Variants in SLC20A2 observed in about 807,000 individuals in gnomAD.
SLC20A2 encodes solute carrier family 20 member 2.
Under a neutral mutation model 61.0 loss-of-function variants are expected in SLC20A2, and 30 were observed. The ratio of observed to expected loss-of-function variants is 0.49; its 90% confidence interval spans 0.37 to 0.67. The LOEUF is 0.67. Ranked by LOEUF, SLC20A2 falls within the 30% of genes least tolerant of loss-of-function variation. The pLI, the probability that SLC20A2 is intolerant of heterozygous loss-of-function variation, is 0.00. For missense variants in SLC20A2, 626 were observed against 866.4 expected, an observed-to-expected ratio of 0.72 and a Z score of 3.48; for synonymous variants, 351 against 353.3, an observed-to-expected ratio of 0.99 and a Z score of 0.07.
chr8:42,533,088 A>G (rs1439081288), intron 1 of SLC20A2, among the ~76,000 whole-genome samples: 2 of 152,222 alleles, frequency 1.3e-5, no homozygotes, highest in African/African-American at 2.4e-5. Flanking sequence ...GGAAAGAAAC[A>G]CTATTTTCAA....
chr8:42,419,556 AAT>A (rs1348453852), intron 10 of SLC20A2: 8 of 227,162 alleles, frequency 3.5e-5, no homozygotes, highest in Admixed American at 6.5e-5. Context: ...CTCAAAAAAA[AAT>A]AAAATAAAAA....
upstream of SLC20A2, among the ~76,000 whole-genome samples, chr8:42,504,056 C>A (rs912816426): frequency 1.3e-5 from 2 of 152,188 alleles, no homozygotes; most frequent in Non-Finnish European, 2.9e-5. Flanking sequence ...CCACCCACCT[C>A]AGCCTCCTGA....
rs1240570872 is a variant in SLC20A2 at position 42,501,228 on chromosome 8, C to T, written c.-462G>A. On this transcript the variant is annotated 5_prime_UTR_variant, in exon 1 of 11. It adds an upstream start codon to the 5' untranslated region. Coordinates refer to ENST00000520262, the MANE Select transcript of SLC20A2 (RefSeq NM_001257180.2). Reference sequence around the variant, plus strand: ...TGCAGCCAAGCAGCAGGCAGGAACACGCTGATTTGCATCATGTGTGCCGGG... The same window carrying T: ...TGCAGCCAAGCAGCAGGCAGGAACATGCTGATTTGCATCATGTGTGCCGGG... 5 of 152,184 alleles carry T rather than the reference C, an allele frequency of 3.3e-5. No homozygotes were observed. Among genetic ancestry groups the T allele is most frequent in the African/African-American group, 9.6e-5 (4 of 41,454 alleles). The allele number at this position is 152,184 out of a possible 1,614,324, so 9.4% of individuals were successfully genotyped here. A position where few individuals can be genotyped will look rare whatever the true frequency, so the allele number is the denominator to read the frequency against.
At chr8:42,456,302 G>T (rs893418317) in intron 5 of SLC20A2, among the ~76,000 whole-genome samples, 1 of 152,194 alleles carries the variant, frequency 6.6e-6, no homozygotes, top group African/African-American at 2.4e-5. Flanking sequence ...CAATTCCCAT[G>T]TTCAGGACTT....
chr8:42,536,008 G>A (rs1392716262), intron 1 of SLC20A2, among the ~76,000 whole-genome samples: 1 of 152,160 alleles, frequency 6.6e-6, no homozygotes. Context: ...ATTAATCAGT[G>A]TATCATTCTC....
chr8:42,466,976 T>C (rs140362378), intron 2 of SLC20A2, among the ~76,000 whole-genome samples: 14 of 152,256 alleles, frequency 9.2e-5, no homozygotes, highest in African/African-American at 3.1e-4. Context: ...AGCTAATTAT[T>C]AAAATTTTTT....
At chr8:42,534,932 A>G (rs1812610167) in intron 1 of SLC20A2, 1 of 152,240 alleles carries the variant, frequency 6.6e-6, no homozygotes, top group African/African-American at 2.4e-5. Context: ...TAGCCATTGC[A>G]GTAGTGGAAA....
At chr8:42,427,198 G>A (rs1177124604) in intron 10 of SLC20A2, among the ~76,000 whole-genome samples, 2 of 152,166 alleles carry the variant, frequency 1.3e-5, no homozygotes, top group Admixed American at 6.5e-5. Flanking sequence ...GTGTAATCTC[G>A]GGCACGTTAC....
chr8:42,514,662 G>A (rs1811220217), intron 1 of SLC20A2, among the ~76,000 whole-genome samples: 1 of 151,786 alleles, frequency 6.6e-6, no homozygotes, highest in Non-Finnish European at 1.5e-5. Context: ...GGAGGCTGAG[G>A]CAGGAAAATT....
chr8:42,471,439 C>T (rs1414127812), intron 2 of SLC20A2, among the ~76,000 whole-genome samples: 1 of 152,180 alleles, frequency 6.6e-6, no homozygotes, highest in Non-Finnish European at 1.5e-5. Flanking sequence ...CATGCTATCA[C>T]CAGGCAACAC....
At chr8:42,537,151 C>A (rs181301493) in intron 1 of SLC20A2, among the ~76,000 whole-genome samples, 159 of 150,940 alleles carry the variant, frequency 1.1e-3, no homozygotes, top group African/African-American at 3.7e-3. Flanking sequence ...GAGGCTGAGG[C>A]AGGAGGAGGG....
At chr8:42,488,655 C>T (rs1225621446) in intron 1 of SLC20A2, among the ~76,000 whole-genome samples, 1 of 152,180 alleles carries the variant, frequency 6.6e-6, no homozygotes, top group Non-Finnish European at 1.5e-5. Context: ...TTAGTATTCT[C>T]ACCAATAGTG....
intron 1 of SLC20A2, chr8:42,537,717 C>T (rs1369440847): frequency 1.3e-5 from 2 of 152,068 alleles, no homozygotes; most frequent in Non-Finnish European, 2.9e-5. Flanking sequence ...ATATAATGTC[C>T]CCTTAACCAT....
chr8:42,474,290 C>T (rs1259389490), intron 1 of SLC20A2, among the ~76,000 whole-genome samples: 2 of 152,174 alleles, frequency 1.3e-5, no homozygotes, highest in Non-Finnish European at 2.9e-5. Context: ...AAACTGTATA[C>T]TGTGGTTACA....
At position 42,416,832 on chromosome 8, in the gene SLC20A2, G is replaced by A. The variant is rs965501896; in HGVS notation, c.*971C>T. ...GTTCTTCAGGCTGCAGGGAGAATTGGGATAGAAACTGACTCTGGACTTGAC... is the reference window on the plus strand; with the variant it reads ...GTTCTTCAGGCTGCAGGGAGAATTGAGATAGAAACTGACTCTGGACTTGAC... On this transcript the variant is annotated 3_prime_UTR_variant, in exon 11 of 11. Coordinates refer to ENST00000520262, the MANE Select transcript of SLC20A2 (RefSeq NM_001257180.2). 8 of 152,732 alleles carry A rather than the reference G, an allele frequency of 5.2e-5. No homozygotes were observed. Among genetic ancestry groups the A allele is most frequent in the African/African-American group, 1.9e-4 (8 of 41,454 alleles). 9.5% of individuals were successfully genotyped at this position (152,732 alleles called of 1,614,324 possible).
chr8:42,490,122 T>C (rs995884317), intron 1 of SLC20A2, among the ~76,000 whole-genome samples: 4 of 152,230 alleles, frequency 2.6e-5, no homozygotes, highest in African/African-American at 7.2e-5. Context: ...AGTGGGGAGA[T>C]AGAAAATAAA....
intron 8 of SLC20A2, among the ~76,000 whole-genome samples, chr8:42,431,033 C>T (rs564420741): frequency 6.6e-5 from 10 of 152,232 alleles, no homozygotes; most frequent in African/African-American, 2.4e-4. Context: ...AATAAATTAC[C>T]GTACAGTGCC....
At chr8:42,450,227 G>A (rs1476174611) in intron 5 of SLC20A2, among the ~76,000 whole-genome samples, 17 of 148,904 alleles carry the variant, frequency 1.1e-4, no homozygotes, top group Admixed American at 6.0e-4. Flanking sequence ...TTTTTTTTTC[G>A]TTCGTTCTTT....
chr8:42,437,197 C>T lies in SLC20A2; in HGVS notation c.1315G>A (p.Ala439Thr), dbSNP rs1447407995. The T allele has an allele frequency of 1.2e-6, 2 of 1,613,692 alleles. No individual in the cohort carries two copies. The highest frequency in any genetic ancestry group is 1.7e-6 in the Non-Finnish European group (2 of 1,180,038). Reference sequence around the variant, plus strand: ...GCCTCGATCTCCGCCTCTGCCACCGCGTTACAGTAGCTCGAGTAGCTGTCG... The same window carrying T: ...GCCTCGATCTCCGCCTCTGCCACCGTGTTACAGTAGCTCGAGTAGCTGTCG... The part of the protein sequence containing the change: ...RYDSYSSYCN[A>T]VAEAEIEAEE... Residue 439 changes from alanine to threonine, a missense_variant, in exon 8 of 11, where the codon GCG becomes ACG. Ala to Thr is a moderately conservative substitution (Grantham distance 58). Transcript: ENST00000520262. This position sits in a 1 kb window ranked among gnomAD's most constrained non-coding sequence, Gnocchi z 6.4.
Sources: gnomAD v4.1 joint callset for allele counts (sites outside exome capture counted in the v4.1 genomes callset) on GRCh38, gnomAD v4.1.1 for gene constraint, Gnocchi (gnomAD v3.1) non-coding constraint, MANE v1.5 for transcripts, NCBI Gene and HGNC (gene_info 2026-07-23, HGNC 2026-07-21) for gene names.